STK3: variants seen among roughly 807,000 people sequenced by gnomAD.
The protein encoded by STK3 is serine/threonine-protein kinase 3.
In STK3, 41 loss-of-function variants were observed where a neutral mutation model predicts 58.0. That is an observed-to-expected ratio of 0.71 (90% CI 0.55 to 0.92). The LOEUF (loss-of-function observed/expected upper bound fraction) is 0.92. STK3 is among the 40% of genes least tolerant of loss of function. The pLI is 0.00. For missense variants in STK3, 479 were observed against 602.7 expected (o/e 0.79, Z 2.15); for synonymous variants, 170 against 191.0 (o/e 0.89, Z 0.91).
intron 1 of STK3, among the ~76,000 whole-genome samples, chr8:98,796,711 C>A (rs567545384): frequency 4.6e-5 from 7 of 152,236 alleles, no homozygotes; most frequent in African/African-American, 1.4e-4. Context: ...AACTATGCAG[C>A]CGTCAAAGGT....
chr8:98,457,750 CAGA>C (rs1338050663), intron 10 of STK3, among the ~76,000 whole-genome samples: 1 of 152,036 alleles, frequency 6.6e-6, no homozygotes. Flanking sequence ...ACTCTAAGAT[CAGA>C]AGAACTAACA....
At chr8:98,843,792 G>A (rs989400648) in intron 3 of STK3, among the ~76,000 whole-genome samples, 6 of 152,222 alleles carry the variant, frequency 3.9e-5, no homozygotes, top group Non-Finnish European at 8.8e-5. Context: ...TGAGGCGGGT[G>A]GATCACTTGA....
chr8:98,699,280 T>G (rs1264842976), intron 6 of STK3, among the ~76,000 whole-genome samples: 1 of 152,190 alleles, frequency 6.6e-6, no homozygotes, highest in Non-Finnish European at 1.5e-5. Flanking sequence ...TTTTTCAAAG[T>G]TTTCAACTTC....
intron 1 of STK3, among the ~76,000 whole-genome samples, chr8:98,440,531 T>C (rs1818651749): frequency 6.6e-6 from 1 of 151,464 alleles, no homozygotes; most frequent in African/African-American, 2.4e-5. Flanking sequence ...CTGTCCCTGG[T>C]TCAGTTTTCT....
chr8:98,903,545 T>TTCTTCTTCC (rs1838753498), intron 1 of STK3, among the ~76,000 whole-genome samples: 1 of 24,058 alleles, frequency 4.2e-5, no homozygotes, highest in African/African-American at 2.5e-4. Flanking sequence ...CTTCTTCTTC[T>TTCTTCTTCC]TCTTCTTCTT....
rs1334803385 is a variant in STK3, at chr8:98,533,159, T to C, written c.1142-6242A>G. ...TTGAATAATGCTCCTATGAATATTG[T>C]TGAATAATGCTCCTATGAACATGAG... On this transcript the variant is annotated intron_variant, in intron 9 of 10. Transcript: ENST00000419617. Among the ~76,000 whole-genome samples, 3 of 152,170 alleles carry C rather than the reference T, an allele frequency of 2.0e-5. No individual in the cohort carries two copies. In the East Asian group the frequency reaches 5.8e-4, roughly 29 times the overall value.
chr8:98,675,756 C>T (rs963748220), intron 6 of STK3, among the ~76,000 whole-genome samples: 2 of 151,764 alleles, frequency 1.3e-5, no homozygotes, highest in Non-Finnish European at 2.9e-5. Context: ...CCCAGCTACT[C>T]GGGAGGCTGA....
chr8:98,455,970 T>C lies in STK3; in HGVS notation c.1348A>G (p.Met450Val). ...ATGGGGTCCAGTGCTTTTAACCGCA[T>C]CTGTAGTTCTTCTAAACTTAGATTT... ...LKNLSLEELQ[M>V]RLKALDPMME... The change falls in exon 11 of 11, where the codon ATG becomes GTG. Residue 450 changes from methionine (M) to valine (V), a missense_variant. Met to Val is a conservative substitution (Grantham distance 21, BLOSUM62 1). Coordinates refer to ENST00000419617, the MANE Select transcript of STK3 (RefSeq NM_006281.4). The C allele has an allele frequency of 6.2e-7, 1 of 1,611,778 alleles. No homozygotes were observed. Among genetic ancestry groups the C allele is most frequent in the Non-Finnish European group, 8.5e-7 (1 of 1,178,906 alleles).
rs1201433064 is a variant in STK3 at position 98,811,753 on chromosome 8, A to C, written c.26+13762T>G. Among the ~76,000 whole-genome samples the C allele has an allele frequency of 1.3e-5, 2 of 152,220 alleles. 1 individual carries two copies. ...CATTGAGGAGTCTGATCTTGAATCC[A>C]CAAAATAAAACATCTTTTCTACATC... On this transcript the variant is annotated intron_variant, in intron 1 of 10. Coordinates refer to ENST00000419617, the MANE Select transcript of STK3 (RefSeq NM_006281.4).
At chr8:98,918,944 T>C (rs775880423) in intron 1 of STK3, among the ~76,000 whole-genome samples, 2 of 151,266 alleles carry the variant, frequency 1.3e-5, no homozygotes, top group Non-Finnish European at 2.9e-5. Context: ...TAAGAGGCAA[T>C]AACAGTGTCA....
intron 1 of STK3, among the ~76,000 whole-genome samples, chr8:98,939,875 G>A (rs1038638393): frequency 6.6e-6 from 1 of 152,324 alleles, no homozygotes; most frequent in East Asian, 1.9e-4. Context: ...GGTGCGGAGA[G>A]CCCCCCTCTC....
chr8:98,509,817 TA>T (rs1381620470), intron 10 of STK3, among the ~76,000 whole-genome samples: 6 of 152,046 alleles, frequency 3.9e-5, no homozygotes, highest in African/African-American at 1.4e-4. Context: ...TCTATTTTTC[TA>T]CTCATAAGTT....
upstream of STK3, among the ~76,000 whole-genome samples, chr8:98,391,040 C>T (rs554176610): frequency 2.2e-4 from 34 of 152,272 alleles, no homozygotes; most frequent in Non-Finnish European, 3.7e-4. Flanking sequence ...CATTGGCATC[C>T]GTTGACTGCT....
downstream of STK3, chr8:98,879,426 T>C (rs1019958369): frequency 6.6e-6 from 1 of 152,228 alleles, no homozygotes; most frequent in African/African-American, 2.4e-5. Flanking sequence ...GTTTTATCCT[T>C]TGGATTTAGA....
intron 1 of STK3, among the ~76,000 whole-genome samples, chr8:98,897,922 C>A (rs1838517175): frequency 6.6e-6 from 1 of 152,220 alleles, no homozygotes; most frequent in African/African-American, 2.4e-5. Flanking sequence ...CCCCTTACAG[C>A]TTGAATAACT....
Position 98,749,270 on chromosome 8 carries a change from ACTTACTGT to A in STK3, c.349_351+5del, listed in dbSNP as rs1436388828. On this transcript the variant is annotated splice_donor_variant and splice_donor_5th_base_variant and coding_sequence_variant and intron_variant, in exon 4 of 11. Coordinates refer to ENST00000419617, the MANE Select transcript of STK3 (RefSeq NM_006281.4). LOFTEE classifies it high-confidence loss of function. ...GATATTAGCAAAACAATTTTAAAAT[ACTTACTGT>A]CTTGTTTCGTAATCTAATTATGTCT... 6.3e-7 allele frequency: 1 copy of A among 1,579,080 alleles called. No homozygotes were observed. The highest frequency in any genetic ancestry group is 8.7e-7 in the Non-Finnish European group (1 of 1,155,468).
chr8:98,735,186 G>A (rs1327087645), intron 4 of STK3, among the ~76,000 whole-genome samples: 2 of 152,048 alleles, frequency 1.3e-5, no homozygotes, highest in Non-Finnish European at 2.9e-5. Context: ...CACAGGACAA[G>A]AAGCCAAAAA....
At chr8:98,523,108 G>A (rs1260371866) in intron 10 of STK3, among the ~76,000 whole-genome samples, 3 of 152,032 alleles carry the variant, frequency 2.0e-5, no homozygotes, top group Non-Finnish European at 2.9e-5. Context: ...TTTTTTTGAG[G>A]AACCACCATA....
chr8:98,692,359 A>G (rs565615047), intron 6 of STK3, among the ~76,000 whole-genome samples: 1 of 152,372 alleles, frequency 6.6e-6, no homozygotes, highest in East Asian at 1.9e-4. Context: ...TGCTATATAC[A>G]TACAAAGAAA....
Sources: gnomAD v4.1 joint callset for allele counts (sites outside exome capture counted in the v4.1 genomes callset) on GRCh38, gnomAD v4.1.1 for gene constraint, MANE v1.5 for transcripts, NCBI Gene and HGNC (gene_info 2026-07-23, HGNC 2026-07-21) for gene names.